Variants in STUM observed in about 807,000 individuals in gnomAD.
STUM encodes protein stum homolog.
In STUM, 8 loss-of-function variants were observed where a neutral mutation model predicts 15.3. The ratio of observed to expected loss-of-function variants is 0.52; its 90% CI spans 0.31 to 0.94. The LOEUF (loss-of-function observed/expected upper bound fraction) is 0.94. Ranked by LOEUF, STUM falls within the 40% of genes least tolerant of loss-of-function variation. The probability of loss-of-function intolerance (pLI) is 0.05; values close to 1 mark genes in which losing one functional copy is unlikely to be tolerated. For synonymous variants in STUM, 78 were observed against 88.7 expected, an observed-to-expected ratio of 0.88 and a Z score of 0.68; for missense variants, 142 against 204.9, an observed-to-expected ratio of 0.69 and a Z score of 1.87.
chr1:226,601,620 C>G (rs900043231), intron 3 of STUM, among the ~76,000 whole-genome samples: 4 of 152,186 alleles, frequency 2.6e-5, no homozygotes, highest in African/African-American at 9.7e-5. Context: ...CTCCTTCTAT[C>G]CACCCATACC....
At chr1:226,593,239 T>C (rs957300621) in intron 1 of STUM, among the ~76,000 whole-genome samples, 1 of 150,378 alleles carries the variant, frequency 6.6e-6, no homozygotes, top group African/African-American at 2.4e-5. Context: ...CTTAAATCCC[T>C]GCTTCCATTG....
chr1:226,575,217 G>A (rs987838302), intron 1 of STUM, among the ~76,000 whole-genome samples: 5 of 152,242 alleles, frequency 3.3e-5, no homozygotes, highest in Admixed American at 2.0e-4. Flanking sequence ...TGATTTGTGA[G>A]GACTAGATCA....
intron 1 of STUM, among the ~76,000 whole-genome samples, chr1:226,554,390 C>T (rs1667416724): frequency 1.3e-5 from 2 of 152,282 alleles, no homozygotes. Flanking sequence ...ATACCCCAAT[C>T]ATATAAAACG....
rs373276138 is a variant in STUM at position 226,572,479 on chromosome 1, C to T, written c.202+23373C>T. Among the ~76,000 whole-genome samples, 159 of 152,220 alleles carry T rather than the reference C, an allele frequency of 1.0e-3. 1 individual carries two copies. The highest frequency in any genetic ancestry group is 3.7e-3 in the African/African-American group (152 of 41,534). On this transcript the variant is annotated intron_variant, in intron 1 of 3. Transcript: ENST00000366788. ...AACAGCCCTGTGCGGCTGGATGCCTCGGGGAGATGGAAAGGGGAAAGTGGA... is the reference window on the plus strand; with the variant it reads ...AACAGCCCTGTGCGGCTGGATGCCTTGGGGAGATGGAAAGGGGAAAGTGGA...
intron 1 of STUM, among the ~76,000 whole-genome samples, chr1:226,560,841 C>T (rs1324371279): frequency 9.9e-5 from 15 of 152,202 alleles, no homozygotes; most frequent in Admixed American, 9.8e-4. Context: ...ATTCTCCTCC[C>T]CTGAAATTTT....
intron 1 of STUM, among the ~76,000 whole-genome samples, chr1:226,580,845 G>A (rs541519287): frequency 3.3e-5 from 5 of 152,304 alleles, no homozygotes; most frequent in Admixed American, 6.5e-5. Flanking sequence ...TTAGAGTAGA[G>A]GCTCAGCTGC....
chr1:226,554,133 C>T (rs1221654710), intron 1 of STUM, among the ~76,000 whole-genome samples: 1 of 152,186 alleles, frequency 6.6e-6, no homozygotes, highest in Non-Finnish European at 1.5e-5. Context: ...CGAACAGACA[C>T]GTTAAGAGGT....
intron 1 of STUM, among the ~76,000 whole-genome samples, chr1:226,571,156 G>A (rs571324086): frequency 7.2e-5 from 11 of 152,130 alleles, no homozygotes; most frequent in South Asian, 4.1e-4. Context: ...GCTTGAACCC[G>A]GGAGACGGAG....
At chr1:226,569,099 A>G (rs1667667110) in intron 1 of STUM, among the ~76,000 whole-genome samples, 4 of 151,424 alleles carry the variant, frequency 2.6e-5, no homozygotes, top group Admixed American at 1.3e-4. Context: ...TCCTGGATCC[A>G]ACGGTATCAC....
Position 226,567,168 on chromosome 1 carries a change from T to A in STUM, c.202+18062T>A, listed in dbSNP as rs1046028688. Among the ~76,000 whole-genome samples, 6 of 152,172 alleles carry A rather than the reference T, an allele frequency of 3.9e-5. No individual in the cohort carries two copies. Among genetic ancestry groups the A allele is most frequent in the African/African-American group, 1.4e-4 (6 of 41,444 alleles). On this transcript the variant is annotated intron_variant, in intron 1 of 3. Transcript: ENST00000366788. The surrounding 1 kb of genome is among the most constrained non-coding windows in gnomAD (Gnocchi z 4.5). ...GGTGGTGAGGCCGGGGCACCTGCTC[T>A]GCTAATCAACAGTCCTGTCCAGGCC...
chr1:226,567,965 G>C lies in STUM; in HGVS notation c.202+18859G>C, dbSNP rs989360506. 6.6e-6 allele frequency among the ~76,000 whole-genome samples: 1 copy of C among 152,230 alleles called. No individual in the cohort carries two copies. The highest frequency in any genetic ancestry group is 1.5e-5 in the Non-Finnish European group (1 of 68,040). ...CAGACTACCTGTCTGGCTGAGCACT[G>C]ATCTCCATTCCTTGGAAGCCAAACC... On this transcript the variant is annotated intron_variant, in intron 1 of 3. Coordinates refer to ENST00000366788, the MANE Select transcript of STUM (RefSeq NM_001003665.4). This position sits in a 1 kb window ranked among gnomAD's most constrained non-coding sequence, Gnocchi z 4.5.
intron 1 of STUM, among the ~76,000 whole-genome samples, chr1:226,588,155 T>G (rs987745799): frequency 3.3e-5 from 5 of 152,218 alleles, no homozygotes; most frequent in Admixed American, 3.3e-4. Context: ...TGAGTCCTCC[T>G]TGCAAATTCC....
Position 226,602,136 on chromosome 1 carries a change from T to A in STUM, c.*96T>A. 1 of 867,274 alleles carries A rather than the reference T, an allele frequency of 1.2e-6. No homozygotes were observed. Among genetic ancestry groups the A allele is most frequent in the Non-Finnish European group, 1.8e-6 (1 of 547,952 alleles). The allele number at this position is 867,274 out of a possible 1,614,324, so 53.7% of individuals were successfully genotyped here. On this transcript the variant is annotated 3_prime_UTR_variant, in exon 4 of 4. Transcript: ENST00000366788. ...GACCTTTACATGTTCTTTTCTGCCA[T>A]TTTCTGGACTGGGGGTGGAAAGGGG...
In STUM at chr1:226,589,805, G is replaced by A. The variant is rs528346872; in HGVS notation, c.203-6997G>A. ...CCCCGCTCCAGCCCTGAGTCATGTGGGGGAAGCCGTTGGACAGAGTGAAAG... is the reference window on the plus strand; with the variant it reads ...CCCCGCTCCAGCCCTGAGTCATGTGAGGGAAGCCGTTGGACAGAGTGAAAG... On this transcript the variant is annotated intron_variant, in intron 1 of 3. Transcript: ENST00000366788. Among the ~76,000 whole-genome samples the A allele has an allele frequency of 5.3e-5, 8 of 152,256 alleles. No individual in the cohort carries two copies. The East Asian group carries it at 1.4e-3, about 26-fold the overall frequency.
chr1:226,579,142 T>C (rs549931154), intron 1 of STUM, among the ~76,000 whole-genome samples: 16 of 152,302 alleles, frequency 1.1e-4, no homozygotes, highest in Admixed American at 2.0e-4. Flanking sequence ...TGAAGCCGGC[T>C]ATGTGCGCTA....
At chr1:226,575,266 A>G (rs1197038002) in intron 1 of STUM, among the ~76,000 whole-genome samples, 1 of 152,264 alleles carries the variant, frequency 6.6e-6, no homozygotes, top group African/African-American at 2.4e-5. Flanking sequence ...GAAGCCCTCA[A>G]TAAGGTGAGT....
At chr1:226,577,067 T>A (rs778400517) in intron 1 of STUM, among the ~76,000 whole-genome samples, 4 of 152,252 alleles carry the variant, frequency 2.6e-5, no homozygotes, top group Non-Finnish European at 5.9e-5. Context: ...ATTACTGCTC[T>A]TATTTTCAGG....
chr1:226,596,839 C>G lies in STUM; in HGVS notation c.240C>G (p.Ala80=), dbSNP rs753547083. Residue 80 remains alanine, a synonymous_variant, in exon 2 of 4, where the codon GCC becomes GCG. Coordinates refer to ENST00000366788, the MANE Select transcript of STUM (RefSeq NM_001003665.4). ...CGGCCTTCACTGTGCTGTGCGGGGC[C>G]CGCACCGACCTCCCGGACAGGCATG... ...FVSAFTVLCG[A]RTDLPDRHVC... is the part of the protein sequence containing the mutation. 3 of 1,614,208 alleles carry G rather than the reference C, an allele frequency of 1.9e-6. No homozygotes were observed. The highest frequency in any genetic ancestry group is 2.5e-6 in the Non-Finnish European group (3 of 1,180,028).
At chr1:226,564,905 T>G (rs944238794) in intron 1 of STUM, among the ~76,000 whole-genome samples, 2 of 152,082 alleles carry the variant, frequency 1.3e-5, no homozygotes, top group Non-Finnish European at 2.9e-5. Context: ...CTAGCAGAGG[T>G]GGGCAGGGGA....
Sources: gnomAD v4.1 joint callset for allele counts (sites outside exome capture counted in the v4.1 genomes callset) on GRCh38, gnomAD v4.1.1 for gene constraint, Gnocchi (gnomAD v3.1) non-coding constraint, MANE v1.5 for transcripts, NCBI Gene and HGNC (gene_info 2026-07-23, HGNC 2026-07-21) for gene names.